Variants in ABCB1 observed in about 807,000 individuals in gnomAD.
ABCB1 encodes the protein ATP-dependent translocase ABCB1.
A neutral mutation model predicts 142.0 loss-of-function variants in ABCB1; 69 were observed. The observed-to-expected ratio is 0.49, with a 90% CI of 0.40 to 0.59. The LOEUF (loss-of-function observed/expected upper bound fraction) is 0.59, where lower values mean the gene tolerates loss of function less well. Among genes scored for constraint, ABCB1 ranks in the 20% least tolerant of loss-of-function variants. ABCB1 has a pLI of 0.00. For missense variants in ABCB1, 1,326 were observed against 1,554.7 expected, an observed-to-expected ratio of 0.85 and a Z score of 2.47; for synonymous variants, 532 against 539.2, an observed-to-expected ratio of 0.99 and a Z score of 0.18.
At chr7:87,584,256 C>T (rs1011773366) in intron 4 of ABCB1, among the ~76,000 whole-genome samples, 7 of 152,070 alleles carry the variant, frequency 4.6e-5, no homozygotes, top group Non-Finnish European at 7.4e-5. Flanking sequence ...TCAAAAGATC[C>T]GTATATACCC....
At chr7:87,642,268 G>A (rs193142589) in intron 1 of ABCB1, among the ~76,000 whole-genome samples, 2 of 152,028 alleles carry the variant, frequency 1.3e-5, no homozygotes, top group Admixed American at 1.3e-4. Context: ...ACAGAAACTG[G>A]GACCTTTCAT....
chr7:87,582,787 C>T (rs574383673), intron 4 of ABCB1, among the ~76,000 whole-genome samples: 29 of 152,042 alleles, frequency 1.9e-4, no homozygotes, highest in Non-Finnish European at 2.9e-4. Context: ...ATAATTTCCA[C>T]GGGTCACAAA....
At chr7:87,612,206 T>G (rs925645107) in intron 1 of ABCB1, among the ~76,000 whole-genome samples, 1 of 152,212 alleles carries the variant, frequency 6.6e-6, no homozygotes, top group African/African-American at 2.4e-5. Flanking sequence ...TCCCATTCTG[T>G]AGGTTGTCTG....
chr7:87,634,770 T>A (rs892359360), intron 1 of ABCB1, among the ~76,000 whole-genome samples: 2 of 152,230 alleles, frequency 1.3e-5, no homozygotes, highest in African/African-American at 2.4e-5. Context: ...TAAAACTCTT[T>A]CAGTCATTTT....
At chr7:87,691,509 ACTTT>A (rs1351807778) in intron 1 of ABCB1, among the ~76,000 whole-genome samples, 1 of 151,984 alleles carries the variant, frequency 6.6e-6, no homozygotes, top group Non-Finnish European at 1.5e-5. Context: ...ATACTGTTTC[ACTTT>A]CTTTTAACAT....
chr7:87,605,379 C>A (rs765376307), upstream of ABCB1, among the ~76,000 whole-genome samples: 12 of 152,294 alleles, frequency 7.9e-5, no homozygotes, highest in Non-Finnish European at 1.6e-4. Flanking sequence ...AGTGATCCAC[C>A]CACCTCAGCC....
Position 87,519,408 on chromosome 7 carries a change from T to G in ABCB1, c.2845A>C (p.Met949Leu). The change falls in exon 23 of 28, where the codon ATG (methionine) becomes CTG (leucine). Residue 949 changes from methionine to leucine, a missense_variant. By Grantham distance (15) the Met-to-Leu change is conservative (BLOSUM62 2). Transcript: ENST00000622132. Reference sequence around the variant, plus strand: ...AAACATCCAGCATAGGAAAAATACATCATTGCCTGGGTGAAGGAAAATGTA... The same window carrying G: ...AAACATCCAGCATAGGAAAAATACAGCATTGCCTGGGTGAAGGAAAATGTA... ...GITFSFTQAM[M>L]YFSYAGCFRF... 1 of 1,614,132 alleles carries G rather than the reference T, an allele frequency of 6.2e-7. No homozygotes were observed. The highest frequency in any genetic ancestry group is 8.5e-7 in the Non-Finnish European group (1 of 1,179,984).
chr7:87,637,199 C>T lies in ABCB1; in HGVS notation c.-330-36121G>A, dbSNP rs149086322. The stretch of plus-strand genomic sequence containing the variant: ...CCAAACTATATCAACCATACTTTCT[C>T]CACTACACTCATGCATCACATTTAT... On this transcript the variant is annotated intron_variant, in intron 1 of 28. Transcript: ENST00000265724. 3.0e-3 allele frequency among the ~76,000 whole-genome samples: 453 copies of T among 152,280 alleles called. 2 individuals carry two copies. Among genetic ancestry groups the T allele is most frequent in the African/African-American group, 0.011 (438 of 41,568 alleles).
intron 1 of ABCB1, among the ~76,000 whole-genome samples, chr7:87,681,485 T>C (rs1826922942): frequency 6.6e-6 from 1 of 150,784 alleles, no homozygotes; most frequent in Non-Finnish European, 1.5e-5. Flanking sequence ...CCCCAGTGCG[T>C]ATTAAAAGTT....
At chr7:87,650,961 A>C in intron 1 of ABCB1, 1 of 1,323,078 alleles carries the variant, frequency 7.6e-7, no homozygotes, top group South Asian at 1.2e-5. Context: ...TGTACTATTT[A>C]TTTTCCCACC....
At chr7:87,598,321 T>C (rs1343162657) in intron 2 of ABCB1, among the ~76,000 whole-genome samples, 2 of 152,212 alleles carry the variant, frequency 1.3e-5, no homozygotes, top group African/African-American at 4.8e-5. Context: ...TTTAATTGTA[T>C]ACAGACTAAA....
In ABCB1 at chr7:87,712,430, A is replaced by G. The variant is rs181914550; in HGVS notation, c.-331+731T>C. ...AATCGTATCAGAATCGAGTAGCTCA[A>G]ATCTAAAAATCCTACATTAATTAAA... On this transcript the variant is annotated intron_variant, in intron 1 of 28. Transcript: ENST00000265724. Among the ~76,000 whole-genome samples the G allele has an allele frequency of 9.5e-4, 144 of 152,214 alleles. 1 individual carries two copies. Among genetic ancestry groups the G allele is most frequent in the African/African-American group, 3.3e-3 (139 of 41,568 alleles).
intron 23 of ABCB1, chr7:87,519,028 G>A (rs1469591903): frequency 6.6e-6 from 3 of 453,552 alleles, no homozygotes; most frequent in Non-Finnish European, 1.2e-5. Context: ...TCAGGGCTAG[G>A]CTTCTTCCCA....
chr7:87,711,274 C>T (rs573685882), intron 1 of ABCB1, among the ~76,000 whole-genome samples: 13 of 151,366 alleles, frequency 8.6e-5, no homozygotes, highest in South Asian at 2.1e-4. Context: ...TGTGGAGAGC[C>T]GAGATTGAGC....
chr7:87,644,089 C>G (rs1480973773), intron 1 of ABCB1, among the ~76,000 whole-genome samples: 2 of 151,696 alleles, frequency 1.3e-5, no homozygotes, highest in East Asian at 1.9e-4. Flanking sequence ...AAACTCCTGA[C>G]CTCAGGTGAT....
intron 1 of ABCB1, among the ~76,000 whole-genome samples, chr7:87,629,633 A>G (rs976352515): frequency 7.9e-5 from 12 of 152,204 alleles, no homozygotes; most frequent in Non-Finnish European, 1.0e-4. Flanking sequence ...CAATAAAAGA[A>G]TAATTACTAT....
chr7:87,522,459 G>T, intron 21 of ABCB1: 1 of 565,630 alleles, frequency 1.8e-6, no homozygotes, highest in Non-Finnish European at 3.4e-6. Context: ...AAGAGCCAGA[G>T]AAGTGACAGG....
At chr7:87,645,108 GT>G in intron 1 of ABCB1, among the ~76,000 whole-genome samples, 1 of 144,758 alleles carries the variant, frequency 6.9e-6, no homozygotes, top group East Asian at 2.0e-4. Flanking sequence ...TTGAGACAGA[GT>G]TTTGCTCTTG....
intron 25 of ABCB1, among the ~76,000 whole-genome samples, 168 bp from the exon 26 acceptor site, chr7:87,509,649 G>C (rs1344899657): frequency 6.6e-6 from 1 of 152,156 alleles, no homozygotes; most frequent in Non-Finnish European, 1.5e-5. Context: ...GGTCATAATT[G>C]TATGCCTTGA....
Sources: allele counts gnomAD v4.1 joint callset (sites outside exome capture counted in the v4.1 genomes callset), GRCh38; gene constraint gnomAD v4.1.1; transcripts MANE v1.5; gene names NCBI Gene and HGNC (gene_info 2026-07-23, HGNC 2026-07-21).